Variants in MAST2 observed in about 807,000 individuals in gnomAD.
MAST2 encodes microtubule-associated serine/threonine-protein kinase 2.
In MAST2, 70 loss-of-function variants were observed where a neutral mutation model predicts 147.4. That is an observed-to-expected ratio of 0.47 (90% CI 0.39 to 0.58). MAST2 has a LOEUF of 0.58. Among genes scored for constraint, MAST2 ranks in the 20% least tolerant of loss-of-function variants. The probability of loss-of-function intolerance (pLI) is 0.00; values close to 1 mark genes in which losing one functional copy is unlikely to be tolerated. For missense variants in MAST2, 2,080 were observed against 2,302.3 expected (o/e 0.90, Z 1.98); for synonymous variants, 869 against 896.8 (o/e 0.97, Z 0.55).
At position 46,035,860 on chromosome 1, in the gene MAST2, T is replaced by C; in HGVS notation, c.5191T>C (p.Cys1731Arg). ...PSQGWLWESECAQAVKEDPAL... is the reference protein window; with the variant it reads ...PSQGWLWESERAQAVKEDPAL... ...CCAGGGCTGGCTATGGGAGTCTGAG[T>C]GTGCACAAGCAGTGAAAGAGGATCC... The change falls in exon 29 of 29, where the codon TGT becomes CGT. Residue 1731 changes from cysteine (C) to arginine (R), a missense_variant. Around this residue, in one of 4 missense-constraint regions of MAST2, gnomAD observed 1,278 missense variants for 1,304.2 expected, o/e 0.98. Coordinates refer to ENST00000361297, the MANE Select transcript of MAST2 (RefSeq NM_015112.3). The surrounding 1 kb of genome is among the most constrained non-coding windows in gnomAD (Gnocchi z 5.5). 1.2e-6 allele frequency: 2 copies of C among 1,613,722 alleles called. No homozygotes were observed. Among genetic ancestry groups the C allele is most frequent in the Non-Finnish European group, 1.7e-6 (2 of 1,179,960 alleles).
chr1:46,033,680 T>G, intron 26 of MAST2, 122 bp from the exon 27 acceptor site: 1 of 1,231,250 alleles, frequency 8.1e-7, no homozygotes, highest in Non-Finnish European at 1.1e-6. Context: ...GGTTCAGATG[T>G]GTTGGTGCAG....
rs1012127603 is a variant in MAST2 at position 46,036,020 on chromosome 1, A to G, written c.5351A>G (p.His1784Arg). Residue 1784 changes from histidine (H) to arginine (R), a missense_variant, in exon 29 of 29, where the codon CAT becomes CGT. By Grantham distance (29) the His-to-Arg change is conservative (BLOSUM62 0). Coordinates refer to ENST00000361297, the MANE Select transcript of MAST2 (RefSeq NM_015112.3). ...CAAGAACCAGGGGGCCATCAAAAGCATCGGGATTTGGCATTGGTTCCAGAT... is the reference window on the plus strand; with the variant it reads ...CAAGAACCAGGGGGCCATCAAAAGCGTCGGGATTTGGCATTGGTTCCAGAT... ...RGQEPGGHQK[H>R]RDLALVPDEL... The G allele has an allele frequency of 3.1e-6, 5 of 1,612,972 alleles. No individual in the cohort carries two copies. The highest frequency in any genetic ancestry group is 1.7e-5 in the Admixed American group (1 of 59,870).
chr1:45,879,807 G>A (rs1646767667), intron 3 of MAST2, among the ~76,000 whole-genome samples: 1 of 152,072 alleles, frequency 6.6e-6, no homozygotes, highest in Non-Finnish European at 1.5e-5. Flanking sequence ...ACTCAACATC[G>A]TTAGTCATCA....
At chr1:45,998,730 C>CT (rs768359136) in intron 6 of MAST2, among the ~76,000 whole-genome samples, 793 of 143,210 alleles carry the variant, frequency 5.5e-3, no homozygotes, top group Admixed American at 7.2e-3. Flanking sequence ...ACTTAGACTA[C>CT]TTTTTTTTTT....
Position 46,031,685 on chromosome 1 carries a change from T to A in MAST2, c.3187+100T>A. 1 of 1,128,140 alleles carries A rather than the reference T, an allele frequency of 8.9e-7. No individual in the cohort carries two copies. Among genetic ancestry groups the A allele is most frequent in the Non-Finnish European group, 1.3e-6 (1 of 797,278 alleles). 69.9% of individuals were successfully genotyped at this position (1,128,140 alleles called of 1,614,324 possible). A position where few individuals can be genotyped will look rare whatever the true frequency, so the allele number is the denominator to read the frequency against. ...ACGTGGCAGGTGTGTGTGTGTGTGTTAAGCACAGATCTGACTGTGGTCTCT... is the reference window on the plus strand; with the variant it reads ...ACGTGGCAGGTGTGTGTGTGTGTGTAAAGCACAGATCTGACTGTGGTCTCT... On this transcript the variant is annotated intron_variant, in intron 24 of 28. Coordinates refer to ENST00000361297, the MANE Select transcript of MAST2 (RefSeq NM_015112.3). This position sits in a 1 kb window ranked among gnomAD's most constrained non-coding sequence, Gnocchi z 4.1.
chr1:45,986,716 C>CAAAAAAAAAAAAAAAACAAAAAAA (rs1644637358), intron 5 of MAST2, among the ~76,000 whole-genome samples: 1 of 120,238 alleles, frequency 8.3e-6, no homozygotes, highest in Admixed American at 8.5e-5. Context: ...GACTCCGTCT[C>CAAAAAAAAAAAAAAAACAAAAAAA]AAAAAAAAAA....
intron 4 of MAST2, among the ~76,000 whole-genome samples, chr1:45,895,632 C>A (rs1412886054): frequency 6.6e-6 from 1 of 152,106 alleles, no homozygotes; most frequent in Non-Finnish European, 1.5e-5. Context: ...TGGTGGAAGA[C>A]TTCCAAAACT....
At chr1:45,806,120 A>C (rs1644134482) in intron 1 of MAST2, among the ~76,000 whole-genome samples, 1 of 152,208 alleles carries the variant, frequency 6.6e-6, no homozygotes, top group Non-Finnish European at 1.5e-5. Context: ...ATCACAACTC[A>C]CATCAGGATG....
intron 4 of MAST2, among the ~76,000 whole-genome samples, chr1:45,891,283 G>C (rs1378072965): frequency 6.6e-6 from 1 of 152,098 alleles, no homozygotes; most frequent in Non-Finnish European, 1.5e-5. Context: ...CTTGAGCCCA[G>C]GAGTTTGAGC....
intron 5 of MAST2, among the ~76,000 whole-genome samples, chr1:45,970,574 G>A (rs984626364): frequency 2.3e-4 from 35 of 149,642 alleles, no homozygotes; most frequent in African/African-American, 6.9e-4. Context: ...AGGCTGAGGC[G>A]GGAGAACGGC....
At chr1:45,850,512 C>T (rs950566839) in intron 3 of MAST2, among the ~76,000 whole-genome samples, 14 of 151,832 alleles carry the variant, frequency 9.2e-5, no homozygotes, top group African/African-American at 3.4e-4. Flanking sequence ...TAAATTGTTT[C>T]CCAAGGTCAG....
At chr1:45,905,558 C>T (rs889515213) in intron 4 of MAST2, among the ~76,000 whole-genome samples, 2 of 152,124 alleles carry the variant, frequency 1.3e-5, no homozygotes, top group East Asian at 1.9e-4. Context: ...GCGCGGATCA[C>T]GAGCTCAGGA....
At chr1:45,903,187 TGGCGTGATCTC>T (rs1650089268) in intron 4 of MAST2, among the ~76,000 whole-genome samples, 1 of 133,918 alleles carries the variant, frequency 7.5e-6, no homozygotes, top group Non-Finnish European at 1.5e-5. Context: ...CTGGATGCAG[TGGCGTGATCTC>T]GGCTTACTGC....
intron 3 of MAST2, among the ~76,000 whole-genome samples, chr1:45,875,796 A>T (rs1256987650): frequency 6.6e-6 from 1 of 152,200 alleles, no homozygotes; most frequent in Admixed American, 6.5e-5. Flanking sequence ...GAGACTGAGT[A>T]GAAAGATCAG....
chr1:45,853,978 G>T, intron 3 of MAST2, among the ~76,000 whole-genome samples: 1 of 152,080 alleles, frequency 6.6e-6, no homozygotes, highest in African/African-American at 2.4e-5. Context: ...AGTTGTTCTA[G>T]TATAAGTTAT....
chr1:45,926,433 A>G (rs1267718079), intron 4 of MAST2, among the ~76,000 whole-genome samples: 9 of 119,658 alleles, frequency 7.5e-5, no homozygotes, highest in South Asian at 2.7e-4. Context: ...ATTGCCTACC[A>G]TATGTCCATA....
chr1:46,011,863 T>C (rs767631559), intron 10 of MAST2, among the ~76,000 whole-genome samples: 10 of 152,206 alleles, frequency 6.6e-5, no homozygotes, highest in Non-Finnish European at 1.3e-4. Context: ...AAAGGGTGAC[T>C]AAAGATGATC....
intron 4 of MAST2, among the ~76,000 whole-genome samples, chr1:45,943,244 C>T (rs142750918): frequency 6.6e-4 from 101 of 152,180 alleles, no homozygotes; most frequent in African/African-American, 2.4e-3. Context: ...GGGGGCTATA[C>T]CATGAAGAGT....
chr1:45,947,226 A>C (rs1417792622), intron 4 of MAST2, among the ~76,000 whole-genome samples: 5 of 151,464 alleles, frequency 3.3e-5, no homozygotes, highest in Non-Finnish European at 7.4e-5. Flanking sequence ...TTACAAGCCA[A>C]TCTTTTGGCT....
Sources: gnomAD v4.1 joint callset for allele counts (sites outside exome capture counted in the v4.1 genomes callset) on GRCh38, gnomAD v4.1.1 for gene constraint, gnomAD v4.1.1 regional missense constraint, Gnocchi (gnomAD v3.1) non-coding constraint, MANE v1.5 for transcripts, NCBI Gene and HGNC (gene_info 2026-07-23, HGNC 2026-07-21) for gene names.